EML4: variants seen among roughly 807,000 people sequenced by gnomAD.
EML4 encodes echinoderm microtubule-associated protein-like 4.
In EML4, 72 loss-of-function variants were observed where a neutral mutation model predicts 129.0. That is an observed-to-expected ratio of 0.56 (90% CI 0.46 to 0.68). The LOEUF (loss-of-function observed/expected upper bound fraction) is 0.68. EML4 is among the 30% of genes least tolerant of loss of function. EML4 has a pLI of 0.00. For missense variants in EML4, 1,363 were observed against 1,190.6 expected (o/e 1.14, Z -2.13); for synonymous variants, 532 against 405.0 (o/e 1.31, Z -3.77).
At chr2:42,266,045 A>G (rs543582270) in intron 6 of EML4, among the ~76,000 whole-genome samples, 1 of 152,158 alleles carries the variant, frequency 6.6e-6, no homozygotes, top group Non-Finnish European at 1.5e-5. Flanking sequence ...AGTTAGCCTT[A>G]TTTTCTGTTC....
chr2:42,310,900 C>A (rs141171653), intron 17 of EML4, among the ~76,000 whole-genome samples: 30 of 152,096 alleles, frequency 2.0e-4, no homozygotes, highest in African/African-American at 6.8e-4. Flanking sequence ...ATAGTCCTTA[C>A]AATGAAAAGG....
intron 13 of EML4, among the ~76,000 whole-genome samples, chr2:42,300,120 AAC>A (rs1463475049): frequency 2.0e-5 from 3 of 152,100 alleles, no homozygotes; most frequent in Admixed American, 2.0e-4. Context: ...TCAGTTGAGG[AAC>A]AGTTTTAGAA....
intron 11 of EML4, 31 bp from the exon 12 acceptor site, chr2:42,295,094 T>A (rs760912498): frequency 1.1e-4 from 173 of 1,583,002 alleles, no homozygotes; most frequent in Non-Finnish European, 1.4e-4. Context: ...AGGATATACA[T>A]TCATCTAAAG....
chr2:42,304,471 G>C lies in EML4; in HGVS notation c.1900-13G>C. On this transcript the variant is annotated splice_polypyrimidine_tract_variant and intron_variant, in intron 16 of 22. Transcript: ENST00000318522. Reference sequence around the variant, plus strand: ...CTCATGTACTCCCCAACAGCTGTCTGTCTCTTTTCTAGGAACCAGGACACT... The same window carrying C: ...CTCATGTACTCCCCAACAGCTGTCTCTCTCTTTTCTAGGAACCAGGACACT... The C allele has an allele frequency of 6.2e-7, 1 of 1,613,092 alleles. No individual in the cohort carries two copies. The highest frequency in any genetic ancestry group is 1.1e-5 in the South Asian group (1 of 90,994).
Position 42,261,209 on chromosome 2 carries a change from G to C in EML4, c.427G>C (p.Ala143Pro), listed in dbSNP as rs776700523. 5 of 1,613,770 alleles carry C rather than the reference G, an allele frequency of 3.1e-6. No homozygotes were observed. The highest frequency in any genetic ancestry group is 2.2e-5 in the East Asian group (1 of 44,852). Residue 143 changes from alanine to proline, a missense_variant, in exon 4 of 23, where the codon GCA (alanine) becomes CCA (proline). Coordinates refer to ENST00000318522, the MANE Select transcript of EML4 (RefSeq NM_019063.5). ...HSNDQSPQIR[A>P]SPSPQPSSQP... is the part of the protein sequence containing the mutation. Reference sequence around the variant, plus strand: ...TAATGATCAAAGTCCACAAATTCGAGCATCACCTTCTCCCCAGCCCTCTTC... The same window carrying C: ...TAATGATCAAAGTCCACAAATTCGACCATCACCTTCTCCCCAGCCCTCTTC...
intron 3 of EML4, among the ~76,000 whole-genome samples, chr2:42,259,527 A>G (rs1665574553): frequency 6.6e-6 from 1 of 152,064 alleles, no homozygotes; most frequent in South Asian, 2.1e-4. Flanking sequence ...TTTAAATGAA[A>G]GACCAAACCT....
At chr2:42,307,124 A>G (rs1286325307) in intron 17 of EML4, among the ~76,000 whole-genome samples, 2 of 152,270 alleles carry the variant, frequency 1.3e-5, no homozygotes, top group African/African-American at 4.8e-5. Context: ...TCATGAAGAT[A>G]AACTGCTTTG....
intron 1 of EML4, among the ~76,000 whole-genome samples, chr2:42,177,125 T>C (rs1260562715): frequency 6.6e-6 from 1 of 152,180 alleles, no homozygotes; most frequent in African/African-American, 2.4e-5. Flanking sequence ...TTGAAGGTTT[T>C]ATTGAAGGCT....
At chr2:42,242,991 T>C (rs957219069) in intron 1 of EML4, among the ~76,000 whole-genome samples, 1 of 152,130 alleles carries the variant, frequency 6.6e-6, no homozygotes, top group African/African-American at 2.4e-5. Context: ...TTGCCCAGGC[T>C]GGTCTCGAAC....
intron 1 of EML4, among the ~76,000 whole-genome samples, chr2:42,200,098 A>G (rs979234553): frequency 2.2e-4 from 33 of 149,918 alleles, no homozygotes; most frequent in African/African-American, 7.9e-4. Context: ...TCGCGAAGTC[A>G]GGAGATTGAG....
chr2:42,193,776 C>T (rs1233504219), intron 1 of EML4, among the ~76,000 whole-genome samples: 1 of 151,830 alleles, frequency 6.6e-6, no homozygotes, highest in Non-Finnish European at 1.5e-5. Flanking sequence ...GCCTTGACCT[C>T]CTGGGCTCAA....
At chr2:42,188,567 A>G (rs1671400414) in intron 1 of EML4, among the ~76,000 whole-genome samples, 1 of 151,116 alleles carries the variant, frequency 6.6e-6, no homozygotes, top group Admixed American at 6.6e-5. Context: ...TTTTTTTGAG[A>G]CAGAGTCTTG....
intron 1 of EML4, among the ~76,000 whole-genome samples, chr2:42,217,011 T>C (rs145229981): frequency 0.01 from 1,593 of 152,296 alleles, 30 homozygotes; most frequent in African/African-American, 0.036. Context: ...AAAAAAAATA[T>C]ACAGTTTTCA....
At chr2:42,203,903 T>C (rs189459369) in intron 1 of EML4, among the ~76,000 whole-genome samples, 7 of 152,260 alleles carry the variant, frequency 4.6e-5, no homozygotes. Context: ...TATTTACTCC[T>C]TTATACGATA....
In EML4 at chr2:42,330,182, A is replaced by C; in HGVS notation, c.2921A>C (p.Gln974Pro). 1 of 1,612,716 alleles carries C rather than the reference A, an allele frequency of 6.2e-7. No individual in the cohort carries two copies. Among genetic ancestry groups the C allele is most frequent in the Non-Finnish European group, 8.5e-7 (1 of 1,179,828 alleles). Reference protein sequence around the residue: ...EQAKATLLEDQQDPSPSS With the variant: ...EQAKATLLEDPQDPSPSS ...GCCAAAGCCACCCTTCTGGAGGACCAGCAAGACCCTTCGCCCTCGTCCTAA... is the reference window on the plus strand; with the variant it reads ...GCCAAAGCCACCCTTCTGGAGGACCCGCAAGACCCTTCGCCCTCGTCCTAA... Residue 974 changes from glutamine to proline, a missense_variant, in exon 23 of 23, where the codon CAG (glutamine) becomes CCG (proline). Gln to Pro is a moderately conservative substitution (Grantham distance 76). Coordinates refer to ENST00000318522, the MANE Select transcript of EML4 (RefSeq NM_019063.5).
intron 1 of EML4, among the ~76,000 whole-genome samples, chr2:42,194,821 C>G (rs56310636): frequency 0.033 from 5,079 of 152,086 alleles, 282 homozygotes; most frequent in African/African-American, 0.11. Context: ...GATCTTTAAT[C>G]TTGATGGTCT....
Position 42,288,775 on chromosome 2 carries a change from A to G in EML4, c.1218+453A>G, listed in dbSNP as rs35545386. ...TTGTAGGATTATTTTAGAAAATTCAATAGCATTTATAATTGCTATAATTGC... is the reference window on the plus strand; with the variant it reads ...TTGTAGGATTATTTTAGAAAATTCAGTAGCATTTATAATTGCTATAATTGC... On this transcript the variant is annotated intron_variant, in intron 11 of 22. Coordinates refer to ENST00000318522, the MANE Select transcript of EML4 (RefSeq NM_019063.5). 5.4e-3 allele frequency: 824 copies of G among 152,870 alleles called. 4 individuals carry two copies. Among genetic ancestry groups the G allele is most frequent in the Non-Finnish European group, 7.3e-3 (501 of 68,338 alleles). The allele number at this position is 152,870 out of a possible 1,614,324, so 9.5% of individuals were successfully genotyped here.
intron 1 of EML4, among the ~76,000 whole-genome samples, chr2:42,194,123 T>C (rs550229535): frequency 1.5e-4 from 23 of 152,330 alleles, no homozygotes; most frequent in East Asian, 9.6e-4. Flanking sequence ...TATATAAATA[T>C]ACACAAAAAG....
At chr2:42,272,511 G>A (rs940251433) in intron 6 of EML4, among the ~76,000 whole-genome samples, 5 of 151,926 alleles carry the variant, frequency 3.3e-5, no homozygotes, top group African/African-American at 1.2e-4. Flanking sequence ...TCAAACTCCT[G>A]ACCTCGGGTG....
Sources: gnomAD v4.1 joint callset for allele counts (sites outside exome capture counted in the v4.1 genomes callset) on GRCh38, gnomAD v4.1.1 for gene constraint, MANE v1.5 for transcripts, NCBI Gene and HGNC (gene_info 2026-07-23, HGNC 2026-07-21) for gene names.